KCNQ1OT1: variants seen among roughly 807,000 people sequenced by gnomAD.
The protein encoded by KCNQ1OT1 is KCNQ1 antisense RNA 2 (non-protein coding).
At position 2,676,482 on chromosome 11, in the gene KCNQ1OT1, GCAT is replaced by G. The variant is rs1850296882; in HGVS notation, n.23510_23512del. ...CAGATTGTTAGCTGTAGTCTTTCTG[GCAT>G]CAGTTCCATTTCTGGTGAACACTTG... On this transcript the variant is annotated non_coding_transcript_exon_variant, in exon 1 of 1. Transcript: ENST00000597346. The surrounding 1 kb of genome is among the most constrained non-coding windows in gnomAD (Gnocchi z 4.2). The G allele has an allele frequency of 5.0e-6, 2 of 398,530 alleles. No individual in the cohort carries two copies. The highest frequency in any genetic ancestry group is 8.8e-5 in the Admixed American group (2 of 22,706). 24.7% of individuals were successfully genotyped at this position (398,530 alleles called of 1,614,324 possible).
At chr11:2,610,243 T>C in exon 1 of KCNQ1OT1, 3 of 398,052 alleles carry the variant, frequency 7.5e-6, no homozygotes, top group Admixed American at 4.4e-5. Flanking sequence ...TTTATATTAA[T>C]CCTGGTGAGA....
Position 2,684,152 on chromosome 11 carries a change from C to T in KCNQ1OT1, n.15843G>A, listed in dbSNP as rs191155054. On this transcript the variant is annotated non_coding_transcript_exon_variant, in exon 1 of 1. Transcript: ENST00000597346. ...CGTTTCCCTTGAAGAATGGGGTACA[C>T]CAGAGGACTTAGGAAGAGAAGCGCC... 2.8e-3 allele frequency: 1,115 copies of T among 398,606 alleles called. 3 individuals carry two copies. The highest frequency in any genetic ancestry group is 3.9e-3 in the Non-Finnish European group (880 of 226,084). The allele number at this position is 398,606 out of a possible 1,614,324, so 24.7% of individuals were successfully genotyped here.
chr11:2,655,934 C>G (rs545164415), exon 1 of KCNQ1OT1: 5 of 398,596 alleles, frequency 1.3e-5, no homozygotes, highest in African/African-American at 1.0e-4. Context: ...CCAAAAAGCA[C>G]ACATTCCTCT....
In KCNQ1OT1 at chr11:2,661,726, C is replaced by G. The variant is rs1849959438; in HGVS notation, n.38269G>C. ...CACAGCCCCAGGCACAGTTACCACTCCGAAGATGATTCACTGGCCTTTATT... is the reference window on the plus strand; with the variant it reads ...CACAGCCCCAGGCACAGTTACCACTGCGAAGATGATTCACTGGCCTTTATT... On this transcript the variant is annotated non_coding_transcript_exon_variant, in exon 1 of 1. Transcript: ENST00000597346. The surrounding 1 kb of genome is among the most constrained non-coding windows in gnomAD (Gnocchi z 5.9). 4.9e-6 allele frequency: 3 copies of G among 617,198 alleles called. No homozygotes were observed. The highest frequency in any genetic ancestry group is 8.7e-6 in the Non-Finnish European group (3 of 344,370). 38.2% of individuals were successfully genotyped at this position (617,198 alleles called of 1,614,324 possible). A position where few individuals can be genotyped will look rare whatever the true frequency, so the allele number is the denominator to read the frequency against.
At chr11:2,696,077 G>T in exon 1 of KCNQ1OT1, 1 of 398,610 alleles carries the variant, frequency 2.5e-6, no homozygotes, top group South Asian at 1.3e-4. Context: ...CCCTTGCCAT[G>T]ATGGATTTAT....
exon 1 of KCNQ1OT1, chr11:2,610,355 A>T (rs1247207066): frequency 2.5e-6 from 1 of 398,120 alleles, no homozygotes; most frequent in Non-Finnish European, 4.4e-6. Flanking sequence ...TGATCATACT[A>T]TATAATGATA....
At chr11:2,616,198 A>G in exon 1 of KCNQ1OT1, 2 of 390,510 alleles carry the variant, frequency 5.1e-6, no homozygotes, top group African/African-American at 4.3e-5. Context: ...TATCGTTCCC[A>G]CTTTTGTTTT....
rs1212750581 is a variant in KCNQ1OT1, at chr11:2,627,453, T to C, written n.72542A>G. On this transcript the variant is annotated non_coding_transcript_exon_variant, in exon 1 of 1. Coordinates refer to ENST00000597346, the Ensembl canonical transcript of KCNQ1OT1. This position sits in a 1 kb window ranked among gnomAD's most constrained non-coding sequence, Gnocchi z 4.9. The stretch of plus-strand genomic sequence containing the variant: ...TGTTTGTACCCTTCAACATTTCCTA[T>C]TTCCCCTACTCCCTGACCCCTAGTA... 1 of 398,416 alleles carries C rather than the reference T, an allele frequency of 2.5e-6. No individual in the cohort carries two copies. Among genetic ancestry groups the C allele is most frequent in the Non-Finnish European group, 4.4e-6 (1 of 226,044 alleles). The allele number at this position is 398,416 out of a possible 1,614,324, so 24.7% of individuals were successfully genotyped here.
At chr11:2,697,233 T>C (rs1850692396) in exon 1 of KCNQ1OT1, 1 of 398,624 alleles carries the variant, frequency 2.5e-6, no homozygotes, top group Non-Finnish European at 4.4e-6. Flanking sequence ...ATAGAATCTC[T>C]ATCAAGAAAA....
rs1430695735 is a variant in KCNQ1OT1, at chr11:2,674,624, G to A, written n.25371C>T. The A allele has an allele frequency of 7.5e-6, 3 of 398,472 alleles. No individual in the cohort carries two copies. Among genetic ancestry groups the A allele is most frequent in the East Asian group, 3.6e-5 (1 of 28,074 alleles). The allele number at this position is 398,472 out of a possible 1,614,324, so 24.7% of individuals were successfully genotyped here. ...GGCTCTGGCTTAAAACAGTCACAGC[G>A]AAACATGCCTTTGAATTGGAAAGCC... On this transcript the variant is annotated non_coding_transcript_exon_variant, in exon 1 of 1. Coordinates refer to ENST00000597346, the Ensembl canonical transcript of KCNQ1OT1. This position sits in a 1 kb window ranked among gnomAD's most constrained non-coding sequence, Gnocchi z 5.9.
rs1590037477 is a variant in KCNQ1OT1 at position 2,694,751 on chromosome 11, G to A, written n.5244C>T. ...AGCCAACAAATAAGTAGATGTCTAA[G>A]GAACTAGAAAAGCGTAGCCTGTGCT... On this transcript the variant is annotated non_coding_transcript_exon_variant, in exon 1 of 1. Coordinates refer to ENST00000597346, the Ensembl canonical transcript of KCNQ1OT1. The A allele has an allele frequency of 2.3e-5, 9 of 398,634 alleles. No homozygotes were observed. The East Asian group carries it at 3.2e-4, about 14-fold the overall frequency. The allele number at this position is 398,634 out of a possible 1,614,324, so 24.7% of individuals were successfully genotyped here. A position where few individuals can be genotyped will look rare whatever the true frequency, so the allele number is the denominator to read the frequency against.
chr11:2,641,251 A>G (rs189009808), exon 1 of KCNQ1OT1: 21 of 398,428 alleles, frequency 5.3e-5, no homozygotes, highest in African/African-American at 8.2e-5. Context: ...ACTGTTTTCT[A>G]TAGTATTAAT....
exon 1 of KCNQ1OT1, chr11:2,686,780 C>A: frequency 2.5e-6 from 1 of 398,668 alleles, no homozygotes; most frequent in Non-Finnish European, 4.4e-6. Flanking sequence ...CTGTGATACA[C>A]TATGATGCAC....
chr11:2,675,281 CA>C, exon 1 of KCNQ1OT1: 1 of 398,546 alleles, frequency 2.5e-6, no homozygotes, highest in South Asian at 1.3e-4. Flanking sequence ...TCACCTCTCC[CA>C]AAAGCAGAGT....
chr11:2,693,296 C>G, exon 1 of KCNQ1OT1: 1 of 398,786 alleles, frequency 2.5e-6, no homozygotes, highest in Non-Finnish European at 4.4e-6. Context: ...CACAACTGCT[C>G]TTAGCACCCA....
chr11:2,651,380 C>T lies in KCNQ1OT1; in HGVS notation n.48615G>A, dbSNP rs192649849. ...ATTTATCTTTCACTAGTGAGTGCTG[C>T]CCCGGTGGTGGCTCACTTTCCATTC... On this transcript the variant is annotated non_coding_transcript_exon_variant, in exon 1 of 1. Coordinates refer to ENST00000597346, the Ensembl canonical transcript of KCNQ1OT1. The surrounding 1 kb of genome is among the most constrained non-coding windows in gnomAD (Gnocchi z 6.1). 6 of 398,728 alleles carry T rather than the reference C, an allele frequency of 1.5e-5. No homozygotes were observed. The highest frequency in any genetic ancestry group is 1.2e-4 in the African/African-American group (6 of 48,756). The allele number at this position is 398,728 out of a possible 1,614,324, so 24.7% of individuals were successfully genotyped here.
chr11:2,666,279 G>T (rs1300688514), exon 1 of KCNQ1OT1: 5 of 398,600 alleles, frequency 1.3e-5, no homozygotes, highest in Non-Finnish European at 8.8e-6. Flanking sequence ...CTGGGCAGAG[G>T]GGGTGGAAAG....
At position 2,670,639 on chromosome 11, in the gene KCNQ1OT1, G is replaced by A. The variant is rs1290213478; in HGVS notation, n.29356C>T. 5.0e-6 allele frequency: 2 copies of A among 398,484 alleles called. No homozygotes were observed. Among genetic ancestry groups the A allele is most frequent in the East Asian group, 7.1e-5 (2 of 28,088 alleles). 24.7% of individuals were successfully genotyped at this position (398,484 alleles called of 1,614,324 possible). On this transcript the variant is annotated non_coding_transcript_exon_variant, in exon 1 of 1. Coordinates refer to ENST00000597346, the Ensembl canonical transcript of KCNQ1OT1. The surrounding 1 kb of genome is among the most constrained non-coding windows in gnomAD (Gnocchi z 4.9). The stretch of plus-strand genomic sequence containing the variant: ...GGGAGCCTGGATATGCATGGCAGAG[G>A]CCAGGATGAACCCTGAAGATTGGTA...
At chr11:2,662,701 A>G (rs180983354) in exon 1 of KCNQ1OT1, 2 of 402,532 alleles carry the variant, frequency 5.0e-6, no homozygotes, top group Non-Finnish European at 8.8e-6. Flanking sequence ...ACAGCCGTGC[A>G]GCGGGGTCAG....
Sources: gnomAD v4.1 joint callset for allele counts on GRCh38, gnomAD v4.1.1 for gene constraint, Gnocchi (gnomAD v3.1) non-coding constraint, MANE v1.5 for transcripts, NCBI Gene and HGNC (gene_info 2026-07-23, HGNC 2026-07-21) for gene names.